HOXB6: variants seen among roughly 807,000 people sequenced by gnomAD.
The protein encoded by HOXB6 is homeobox protein Hox-B6.
Under a neutral mutation model 24.2 loss-of-function variants are expected in HOXB6, and 18 were observed. That is an observed-to-expected ratio of 0.74 (90% CI 0.51 to 1.10). HOXB6 has a LOEUF of 1.10. Ranked by LOEUF, HOXB6 falls within the 50% of genes least tolerant of loss-of-function variation. HOXB6 has a pLI of 0.00. For missense variants in HOXB6, 332 were observed against 308.3 expected, an observed-to-expected ratio of 1.08 and a Z score of -0.58; for synonymous variants, 159 against 139.1, an observed-to-expected ratio of 1.14 and a Z score of -1.01.
rs946924777 is a variant in HOXB6 at position 48,596,745 on chromosome 17, AAC to A, written c.416-75_416-74del. On this transcript the variant is annotated intron_variant, in intron 3 of 3. Coordinates refer to ENST00000225648, the MANE Select transcript of HOXB6 (RefSeq NM_018952.5). The surrounding 1 kb of genome is among the most constrained non-coding windows in gnomAD (Gnocchi z 4.8). ...GACCCCCTCCCCTAGTCGACCCTCGAACACAGACTCCAGCCAGTACCGGGATG... is the reference window on the plus strand; with the variant it reads ...GACCCCCTCCCCTAGTCGACCCTCGAACAGACTCCAGCCAGTACCGGGATG... The A allele has an allele frequency of 3.1e-6, 5 of 1,591,852 alleles. No homozygotes were observed. The African/African-American group carries it at 6.7e-5, about 21-fold the overall frequency.
rs1350796983 is a variant in HOXB6 at position 48,596,243 on chromosome 17, G to C, written c.*170C>G. The C allele has an allele frequency of 8.8e-6, 9 of 1,025,598 alleles. No homozygotes were observed. Among genetic ancestry groups the C allele is most frequent in the Middle Eastern group, 2.0e-4 (1 of 4,928 alleles). The allele number at this position is 1,025,598 out of a possible 1,614,324, so 63.5% of individuals were successfully genotyped here. ...GTAGTGAGGCCTCAGAGCACCCGCC[G>C]GGAGCTGTGCGGGCGGGGGCGTCCA... is the stretch of plus-strand genomic sequence containing the variant. On this transcript the variant is annotated 3_prime_UTR_variant, in exon 4 of 4. Coordinates refer to ENST00000225648, the MANE Select transcript of HOXB6 (RefSeq NM_018952.5). The surrounding 1 kb of genome is among the most constrained non-coding windows in gnomAD (Gnocchi z 4.8).
intron 2 of HOXB6, among the ~76,000 whole-genome samples, chr17:48,603,176 A>G (rs1308322625): frequency 1.3e-5 from 2 of 152,246 alleles, no homozygotes; most frequent in Non-Finnish European, 2.9e-5. Context: ...TGTTCGTGCA[A>G]ACCAGACTAA....
At chr17:48,600,514 T>C (rs1309598373) in intron 2 of HOXB6, 3 of 455,748 alleles carry the variant, frequency 6.6e-6, no homozygotes, top group Non-Finnish European at 1.3e-5. Context: ...TGAAAGAAAA[T>C]AGCGCCTCAT....
In HOXB6 at chr17:48,596,652, C is replaced by T. The variant is rs756724993; in HGVS notation, c.436G>A (p.Gly146Ser). 12 of 1,613,476 alleles carry T rather than the reference C, an allele frequency of 7.4e-6. No homozygotes were observed. In the Admixed American group the frequency reaches 1.8e-4, roughly 25 times the overall value. Residue 146 changes from glycine to serine, a missense_variant, in exon 4 of 4, where the codon GGC becomes AGC. Transcript: ENST00000225648. This position sits in a 1 kb window ranked among gnomAD's most constrained non-coding sequence, Gnocchi z 4.8. ...SCNSSSFGPS[G>S]RRGRQTYTRY... ...GTGTATGTCTGGCGGCCTCGCCGGC[C>T]GCTGGGCCCAAAGGAGGAACCTGTT... is the stretch of plus-strand genomic sequence containing the variant.
chr17:48,599,088 C>T (rs978873002), intron 2 of HOXB6, among the ~76,000 whole-genome samples: 3 of 152,202 alleles, frequency 2.0e-5, no homozygotes, highest in African/African-American at 4.8e-5. Context: ...GGAAGGGGCA[C>T]TGGGGAAAGG....
At position 48,598,133 on chromosome 17, in the gene HOXB6, C is replaced by A; in HGVS notation, c.18G>T (p.Val6=). Residue 6 remains valine, a synonymous_variant, in exon 3 of 4, where the codon GTG becomes GTT. Coordinates refer to ENST00000225648, the MANE Select transcript of HOXB6 (RefSeq NM_018952.5). MSSYF[V]NSTFPVTLAS... ...CCAGAGTGACGGGGAAGGTGGAGTT[C>A]ACGAAATAGGAACTCATTGGGAGGG... The A allele has an allele frequency of 1.3e-6, 2 of 1,591,278 alleles. No homozygotes were observed. Among genetic ancestry groups the A allele is most frequent in the Middle Eastern group, 1.7e-4 (1 of 5,944 alleles).
rs116545316 is a variant in HOXB6 at position 48,597,233 on chromosome 17, C to T, written c.415+503G>A. Reference sequence around the variant, plus strand: ...TTCCTCCTCCCTCCTCTGACTACCACCCCTTTCCTGGTGCCTCATCTTGCC... The same window carrying T: ...TTCCTCCTCCCTCCTCTGACTACCATCCCTTTCCTGGTGCCTCATCTTGCC... On this transcript the variant is annotated intron_variant, in intron 3 of 3. Transcript: ENST00000225648. The T allele has an allele frequency of 3.5e-3, 1,039 of 294,714 alleles. 9 individuals are homozygous for T. Among genetic ancestry groups the T allele is most frequent in the African/African-American group, 0.021 (940 of 45,012 alleles). The allele number at this position is 294,714 out of a possible 1,614,324, so 18.3% of individuals were successfully genotyped here. A position where few individuals can be genotyped will look rare whatever the true frequency, so the allele number is the denominator to read the frequency against.
chr17:48,602,782 G>T (rs909915699), intron 2 of HOXB6, among the ~76,000 whole-genome samples: 8 of 152,224 alleles, frequency 5.3e-5, no homozygotes, highest in Non-Finnish European at 1.0e-4. Flanking sequence ...CGCATAATTT[G>T]GGTCACAGCG....
At position 48,597,743 on chromosome 17, in the gene HOXB6, C is replaced by G; in HGVS notation, c.408G>C (p.Ser136=). The G allele has an allele frequency of 1.2e-6, 2 of 1,612,876 alleles. No homozygotes were observed. Among genetic ancestry groups the G allele is most frequent in the Non-Finnish European group, 1.7e-6 (2 of 1,179,510 alleles). ...ACGGGAAGTCTCACTCACTGTTGCA[C>G]GAATTCATCCGCTGCATCCACGGGT... ...PVYPWMQRMN[S]CNSSSFGPSG... is the part of the protein sequence containing the mutation. Residue 136 remains serine, a synonymous_variant, in exon 3 of 4, where the codon TCG becomes TCC. Coordinates refer to ENST00000225648, the MANE Select transcript of HOXB6 (RefSeq NM_018952.5).
rs374252992 is a variant in HOXB6, at chr17:48,598,061, C to G, written c.90G>C (p.Ser30=). The G allele has an allele frequency of 3.7e-6, 6 of 1,604,270 alleles. No individual in the cohort carries two copies. The highest frequency in any genetic ancestry group is 5.1e-6 in the Non-Finnish European group (6 of 1,175,616). The change falls in exon 3 of 4, where the codon TCG becomes TCC. Residue 30 remains serine, a synonymous_variant. Coordinates refer to ENST00000225648, the MANE Select transcript of HOXB6 (RefSeq NM_018952.5). The part of the protein sequence containing the change: ...SFLGQLPLYS[S]GYADPLRHYP... ...AATGTCTCAGCGGGTCCGCATAGCC[C>G]GACGAATAGAGCGGTAGCTGGCCCA...
chr17:48,600,984 A>T (rs2070446195), intron 2 of HOXB6, among the ~76,000 whole-genome samples: 1 of 114,280 alleles, frequency 8.8e-6, no homozygotes. Context: ...CTCAGGAGGG[A>T]TATTTGCGTG....
At chr17:48,597,155 G>T in intron 3 of HOXB6, 2 of 938,426 alleles carry the variant, frequency 2.1e-6, no homozygotes, top group Non-Finnish European at 1.3e-6. Context: ...GAGACCCCGC[G>T]CCTGTTTCTC....
In HOXB6 at chr17:48,597,879, G is replaced by C; in HGVS notation, c.272C>G (p.Ser91Cys). The C allele has an allele frequency of 6.3e-7, 1 of 1,589,568 alleles. No homozygotes were observed. Among genetic ancestry groups the C allele is most frequent in the Non-Finnish European group, 8.6e-7 (1 of 1,167,220 alleles). Residue 91 changes from serine to cysteine, a missense_variant, in exon 3 of 4, where the codon TCC becomes TGC. Physicochemically the swap from Ser to Cys is moderately radical, Grantham distance 112. Transcript: ENST00000225648. ...GAACGGGGGCTGCTCGTCGGCGCCG[G>C]AGAGTGCGCAGGCCGACTCTTTCTC... ...YREKESACAL[S>C]GADEQPPFHP...
At chr17:48,598,407 A>C in intron 2 of HOXB6, 179 bp from the exon 3 acceptor site, 2 of 306,536 alleles carry the variant, frequency 6.5e-6, no homozygotes, top group Non-Finnish European at 1.0e-5. Context: ...AAACCTATCA[A>C]CCTTTTTTTT....
Position 48,596,930 on chromosome 17 carries a change from G to C in HOXB6, c.416-258C>G. On this transcript the variant is annotated intron_variant, in intron 3 of 3. Transcript: ENST00000225648. This position sits in a 1 kb window ranked among gnomAD's most constrained non-coding sequence, Gnocchi z 4.8. ...CCACCTGAGCCTGGGGGGAGGGGCT[G>C]GTCAGGTGTGTCTCTTCCTAGTTGC... 2 of 1,376,242 alleles carry C rather than the reference G, an allele frequency of 1.5e-6. No individual in the cohort carries two copies. Among genetic ancestry groups the C allele is most frequent in the Non-Finnish European group, 1.9e-6 (2 of 1,058,898 alleles). 85.3% of individuals were successfully genotyped at this position (1,376,242 alleles called of 1,614,324 possible).
rs553093801 is a variant in HOXB6, at chr17:48,596,795, T to TC, written c.416-124dup. The stretch of plus-strand genomic sequence containing the variant: ...ATGCCCTCTATTCTGCCGGCTCCCT[T>TC]CCCCCGTTTCGCACTCCTCCAGCGC... On this transcript the variant is annotated intron_variant, in intron 3 of 3. Transcript: ENST00000225648. This position sits in a 1 kb window ranked among gnomAD's most constrained non-coding sequence, Gnocchi z 4.8. The TC allele has an allele frequency of 8.3e-4, 1,207 of 1,457,650 alleles. 10 individuals are homozygous for TC. The African/African-American group carries it at 0.015, about 19-fold the overall frequency. The allele number at this position is 1,457,650 out of a possible 1,614,324, so 90.3% of individuals were successfully genotyped here.
chr17:48,602,726 G>A (rs1159175118), intron 2 of HOXB6, among the ~76,000 whole-genome samples: 1 of 152,234 alleles, frequency 6.6e-6, no homozygotes, highest in Non-Finnish European at 1.5e-5. Flanking sequence ...GGGGCTTGCG[G>A]CGCCGAAGCC....
chr17:48,597,937 A>AGGGCGCCGCTCGGCCGT lies in HOXB6; in HGVS notation c.197_213dup (p.Cys72ThrfsTer69). On this transcript the variant is annotated frameshift_variant, in exon 3 of 4. Coordinates refer to ENST00000225648, the MANE Select transcript of HOXB6 (RefSeq NM_018952.5). LOFTEE classifies it high-confidence loss of function. ...AAGGCCGGCGCCGGCCCGTAGTCGC[A>AGGGCGCCGCTCGGCCGT]GGGCGCCGCTCGGCCGTAGCCACCG... 6.4e-7 allele frequency: 1 copy of AGGGCGCCGCTCGGCCGT among 1,573,024 alleles called. No homozygotes were observed. Among genetic ancestry groups the AGGGCGCCGCTCGGCCGT allele is most frequent in the Non-Finnish European group, 8.6e-7 (1 of 1,159,658 alleles).
chr17:48,604,636 A>G (rs1231539124), intron 1 of HOXB6, 21 bp from the exon 2 acceptor site: 2 of 152,324 alleles, frequency 1.3e-5, no homozygotes, highest in Admixed American at 6.6e-5. Context: ...AGGGTGTTTC[A>G]TTTTTCTGAC....
Sources: allele counts gnomAD v4.1 joint callset (sites outside exome capture counted in the v4.1 genomes callset), GRCh38; gene constraint gnomAD v4.1.1; non-coding constraint Gnocchi (gnomAD v3.1); transcripts MANE v1.5; gene names NCBI Gene and HGNC (gene_info 2026-07-23, HGNC 2026-07-21).